Variants in ALCAM observed in about 807,000 individuals in gnomAD.
ALCAM encodes CD166 antigen.
Under a neutral mutation model 70.9 loss-of-function variants are expected in ALCAM, and 30 were observed. That is an observed-to-expected ratio of 0.42 (90% CI 0.32 to 0.57). The LOEUF (loss-of-function observed/expected upper bound fraction) is 0.57. Among genes scored for constraint, ALCAM ranks in the 20% least tolerant of loss-of-function variants. The probability of loss-of-function intolerance (pLI) is 0.11; values close to 1 mark genes in which losing one functional copy is unlikely to be tolerated. For synonymous variants in ALCAM, 249 were observed against 242.5 expected (o/e 1.03, Z -0.25); for missense variants, 591 against 695.1 (o/e 0.85, Z 1.68).
chr3:105,499,990 T>C (rs937358082), intron 1 of ALCAM, among the ~76,000 whole-genome samples: 1 of 152,218 alleles, frequency 6.6e-6, no homozygotes, highest in Admixed American at 6.5e-5. Context: ...TATTTCAATT[T>C]ACCTCACCTA....
chr3:105,382,393 T>C (rs1559771733), intron 1 of ALCAM, among the ~76,000 whole-genome samples: 1 of 152,048 alleles, frequency 6.6e-6, no homozygotes, highest in African/African-American at 2.4e-5. Flanking sequence ...AGTGCCACAA[T>C]AAACATACAT....
intron 1 of ALCAM, among the ~76,000 whole-genome samples, chr3:105,506,458 G>A (rs915501382): frequency 1.3e-5 from 2 of 152,118 alleles, no homozygotes; most frequent in African/African-American, 4.8e-5. Context: ...CTTCCTGGGG[G>A]AAGCATTGGG....
Position 105,553,090 on chromosome 3 carries a change from A to G in ALCAM, c.1664+505A>G, listed in dbSNP as rs1940447812. 3.0e-6 allele frequency: 3 copies of G among 985,886 alleles called. No individual in the cohort carries two copies. The South Asian group carries it at 1.4e-4, about 46-fold the overall frequency. The allele number at this position is 985,886 out of a possible 1,614,324, so 61.1% of individuals were successfully genotyped here. On this transcript the variant is annotated intron_variant, in intron 14 of 15. Coordinates refer to ENST00000306107, the MANE Select transcript of ALCAM (RefSeq NM_001627.4). ...CATATAAGAGTCTATATCAGAGAAA[A>G]TCATGTCATTATGTCAACTTGAGTT...
chr3:105,376,824 T>A (rs1226540477), intron 1 of ALCAM, among the ~76,000 whole-genome samples: 1 of 152,136 alleles, frequency 6.6e-6, no homozygotes, highest in Non-Finnish European at 1.5e-5. Context: ...TGACTGAGGA[T>A]GCTAAGGTGG....
chr3:105,489,115 A>T (rs1428135154), intron 1 of ALCAM, among the ~76,000 whole-genome samples: 1 of 152,140 alleles, frequency 6.6e-6, no homozygotes, highest in Non-Finnish European at 1.5e-5. Context: ...AAGAACATAA[A>T]ACCCTGATTT....
chr3:105,413,322 C>T, intron 1 of ALCAM, among the ~76,000 whole-genome samples: 1 of 152,104 alleles, frequency 6.6e-6, no homozygotes, highest in East Asian at 1.9e-4. Context: ...GTGATAACAC[C>T]ATATAGTTTA....
intron 1 of ALCAM, among the ~76,000 whole-genome samples, chr3:105,505,822 C>T (rs138543472): frequency 0.014 from 2,121 of 152,172 alleles, 139 homozygotes; most frequent in Admixed American, 0.11. Context: ...ATATAACCTA[C>T]ACTATTCTTC....
rs79278120 is a variant in ALCAM at position 105,399,916 on chromosome 3, C to T, written c.73+32435C>T. Among the ~76,000 whole-genome samples the T allele has an allele frequency of 9.1e-3, 1,385 of 152,252 alleles. 16 individuals are homozygous for T. Among genetic ancestry groups the T allele is most frequent in the African/African-American group, 0.015 (623 of 41,564 alleles). Reference sequence around the variant, plus strand: ...GGTTAGCAGACAGCCTACATCCCTTCGTATAAAAACTGTTCTTAAAAAGTA... The same window carrying T: ...GGTTAGCAGACAGCCTACATCCCTTTGTATAAAAACTGTTCTTAAAAAGTA... On this transcript the variant is annotated intron_variant, in intron 1 of 15. Transcript: ENST00000306107.
At chr3:105,374,353 C>T (rs958086029) in intron 1 of ALCAM, among the ~76,000 whole-genome samples, 8 of 151,936 alleles carry the variant, frequency 5.3e-5, no homozygotes, top group Non-Finnish European at 8.8e-5. Flanking sequence ...GCCAAGAGTT[C>T]GAGACCAGCC....
chr3:105,552,833 A>T, intron 14 of ALCAM: 1 of 1,267,830 alleles, frequency 7.9e-7, no homozygotes, highest in African/African-American at 1.5e-5. Context: ...GAATTCAATT[A>T]TTTGATTTTT....
chr3:105,447,788 G>T (rs1036684045), intron 1 of ALCAM, among the ~76,000 whole-genome samples: 2 of 152,150 alleles, frequency 1.3e-5, no homozygotes, highest in African/African-American at 4.8e-5. Context: ...GCGTATTTTT[G>T]ACAAGTGCTT....
rs397806333 is a variant in ALCAM at position 105,552,019 on chromosome 3, T to TTA, written c.1508-125_1508-124insTA. 24 of 573,296 alleles carry TTA rather than the reference T, an allele frequency of 4.2e-5. No homozygotes were observed. The Admixed American group carries it at 9.1e-4, about 22-fold the overall frequency. 35.5% of individuals were successfully genotyped at this position (573,296 alleles called of 1,614,324 possible). On this transcript the variant is annotated intron_variant, in intron 12 of 15. Transcript: ENST00000306107. ...TTATTAAGTGTGATTTTTTTTTTTT[T>TTA]ACTGTTAGCTATAGAATAGACATTT...
At chr3:105,369,117 C>T (rs1279717045) in intron 1 of ALCAM, among the ~76,000 whole-genome samples, 2 of 152,172 alleles carry the variant, frequency 1.3e-5, no homozygotes, top group Non-Finnish European at 2.9e-5. Flanking sequence ...TTGTAACATG[C>T]AAACGTCCAC....
At chr3:105,540,320 A>G (rs1940085724) in intron 7 of ALCAM, among the ~76,000 whole-genome samples, 1 of 151,894 alleles carries the variant, frequency 6.6e-6, no homozygotes, top group Non-Finnish European at 1.5e-5. Flanking sequence ...AAAGCCAACC[A>G]CAGGAAACCA....
intron 1 of ALCAM, among the ~76,000 whole-genome samples, chr3:105,491,927 C>T (rs111610490): frequency 0.015 from 2,351 of 152,282 alleles, 59 homozygotes; most frequent in African/African-American, 0.053. Flanking sequence ...TCACATGTTT[C>T]GGCATCTTTA....
intron 1 of ALCAM, among the ~76,000 whole-genome samples, chr3:105,494,235 A>G (rs1211542836): frequency 6.6e-6 from 1 of 152,194 alleles, no homozygotes; most frequent in African/African-American, 2.4e-5. Flanking sequence ...TTTTCTTTCT[A>G]AAGTCATCAA....
At chr3:105,512,693 C>A (rs1323467335) in intron 1 of ALCAM, among the ~76,000 whole-genome samples, 1 of 151,696 alleles carries the variant, frequency 6.6e-6, no homozygotes, top group Admixed American at 6.6e-5. Context: ...AAATTTAGTT[C>A]TTTAGCAAGA....
intron 1 of ALCAM, among the ~76,000 whole-genome samples, chr3:105,416,796 G>T (rs536501596): frequency 4.7e-4 from 71 of 151,978 alleles, no homozygotes; most frequent in African/African-American, 1.7e-3. Flanking sequence ...TAATAAATTA[G>T]ATATAATTCA....
chr3:105,493,946 G>A (rs956448285), intron 1 of ALCAM, among the ~76,000 whole-genome samples: 3 of 152,072 alleles, frequency 2.0e-5, no homozygotes, highest in Non-Finnish European at 4.4e-5. Flanking sequence ...GATATTTTAA[G>A]TAGCTTTTCA....
Sources: allele counts gnomAD v4.1 joint callset (sites outside exome capture counted in the v4.1 genomes callset), GRCh38; gene constraint gnomAD v4.1.1; transcripts MANE v1.5; gene names NCBI Gene and HGNC (gene_info 2026-07-23, HGNC 2026-07-21).